The following DENND11 variants were observed in gnomAD, a reference collection of about 807,000 sequenced individuals.
The protein encoded by DENND11 is DENN domain containing 11.
Under a neutral mutation model 49.2 loss-of-function variants are expected in DENND11, and 34 were observed. The ratio of observed to expected loss-of-function variants is 0.69; its 90% CI spans 0.53 to 0.92. The LOEUF (loss-of-function observed/expected upper bound fraction) is 0.92. Ranked by LOEUF, DENND11 falls within the 40% of genes least tolerant of loss-of-function variation. The probability of loss-of-function intolerance (pLI) is 0.00; values close to 1 mark genes in which losing one functional copy is unlikely to be tolerated. For synonymous variants in DENND11, 238 were observed against 230.3 expected, an observed-to-expected ratio of 1.03 and a Z score of -0.30; for missense variants, 475 against 581.6, an observed-to-expected ratio of 0.82 and a Z score of 1.88.
intron 4 of DENND11, among the ~76,000 whole-genome samples, chr7:141,671,831 T>C (rs1797985520): frequency 6.6e-6 from 1 of 152,210 alleles, no homozygotes; most frequent in African/African-American, 2.4e-5. Flanking sequence ...GTACCTCTAA[T>C]GGCCCTCTAA....
chr7:141,684,130 T>C (rs1347938982), intron 3 of DENND11, among the ~76,000 whole-genome samples: 2 of 152,162 alleles, frequency 1.3e-5, no homozygotes, highest in Admixed American at 6.5e-5. Flanking sequence ...TCTTGCTTTG[T>C]TGCCCAGGCT....
chr7:141,671,576 C>T lies in DENND11; in HGVS notation c.681+2491G>A, dbSNP rs187474487. 1.7e-3 allele frequency among the ~76,000 whole-genome samples: 254 copies of T among 152,330 alleles called. 1 individual carries two copies. Among genetic ancestry groups the T allele is most frequent in the Non-Finnish European group, 1.6e-3 (112 of 68,028 alleles). On this transcript the variant is annotated intron_variant, in intron 4 of 8. Coordinates refer to ENST00000536163, the MANE Select transcript of DENND11 (RefSeq NM_001080392.2). ...TAACGGTACCCTCTTCCCTGCATCTCCTAGGGTCTAACAGTTATGTTAATG... is the reference window on the plus strand; with the variant it reads ...TAACGGTACCCTCTTCCCTGCATCTTCTAGGGTCTAACAGTTATGTTAATG...
intron 4 of DENND11, 137 bp from the exon 5 acceptor site, chr7:141,666,562 C>T (rs541612472): frequency 2.5e-5 from 21 of 827,558 alleles, no homozygotes; most frequent in Middle Eastern, 3.6e-4. Context: ...CTTATTTCCA[C>T]ACACAATGAT....
intron 1 of DENND11, among the ~76,000 whole-genome samples, chr7:141,694,784 A>G (rs1047523875): frequency 8.5e-5 from 13 of 152,194 alleles, no homozygotes; most frequent in Non-Finnish European, 1.8e-4. Flanking sequence ...GTGGAAAACT[A>G]CACCCAGCTG....
intron 1 of DENND11, among the ~76,000 whole-genome samples, chr7:141,689,457 G>A (rs1798292205): frequency 1.3e-5 from 2 of 152,208 alleles, no homozygotes; most frequent in Non-Finnish European, 2.9e-5. Flanking sequence ...TGTCAGCAGG[G>A]AAGGGGAAGA....
intron 4 of DENND11, among the ~76,000 whole-genome samples, chr7:141,672,135 A>C (rs1797992188): frequency 6.6e-6 from 1 of 152,184 alleles, no homozygotes; most frequent in African/African-American, 2.4e-5. Flanking sequence ...TCCCTCAGCG[A>C]TCTGAGCACT....
chr7:141,658,917 CTG>C lies in DENND11; in HGVS notation c.*3737_*3738del, dbSNP rs1467680320. ...TTGAAGGGCTTTCAGTGCATCAAGACTGAGAGCAAATTCATCCTCATAGCCAC... is the reference window on the plus strand; with the variant it reads ...TTGAAGGGCTTTCAGTGCATCAAGACAGAGCAAATTCATCCTCATAGCCAC... On this transcript the variant is annotated 3_prime_UTR_variant, in exon 9 of 9. Transcript: ENST00000536163. 6.6e-6 allele frequency: 1 copy of C among 152,584 alleles called. No homozygotes were observed. Among genetic ancestry groups the C allele is most frequent in the Non-Finnish European group, 1.5e-5 (1 of 68,032 alleles). The allele number at this position is 152,584 out of a possible 1,614,324, so 9.5% of individuals were successfully genotyped here. A position where few individuals can be genotyped will look rare whatever the true frequency, so the allele number is the denominator to read the frequency against.
chr7:141,696,187 C>A (rs79122526), intron 1 of DENND11, among the ~76,000 whole-genome samples: 1,820 of 152,270 alleles, frequency 0.012, 34 homozygotes, highest in African/African-American at 0.039. Flanking sequence ...ACCAGGGCCT[C>A]CCAGAGCTGG....
intron 1 of DENND11, chr7:141,701,663 G>T: frequency 3.6e-6 from 1 of 278,254 alleles, no homozygotes; most frequent in Non-Finnish European, 6.6e-6. Context: ...CCTCGGGGCC[G>T]CTCCGAGAGG....
At chr7:141,674,960 T>C (rs938651736) in intron 3 of DENND11, among the ~76,000 whole-genome samples, 12 of 152,110 alleles carry the variant, frequency 7.9e-5, no homozygotes, top group Non-Finnish European at 1.5e-4. Flanking sequence ...GAGGACTGTT[T>C]GTCACTATAT....
At chr7:141,700,960 C>T (rs1001845493) in intron 1 of DENND11, among the ~76,000 whole-genome samples, 3 of 152,114 alleles carry the variant, frequency 2.0e-5, no homozygotes, top group Non-Finnish European at 4.4e-5. Flanking sequence ...CCTGGGTTTC[C>T]TTAAGCCCTG....
At position 141,662,477 on chromosome 7, in the gene DENND11, C is replaced by T; in HGVS notation, c.*179G>A. ...TGGCAGGACACAAAACCAAGGTGATCTCACCTTATCTCTAGGGAAAAGGGC... is the reference window on the plus strand; with the variant it reads ...TGGCAGGACACAAAACCAAGGTGATTTCACCTTATCTCTAGGGAAAAGGGC... On this transcript the variant is annotated 3_prime_UTR_variant, in exon 9 of 9. Transcript: ENST00000536163. The T allele has an allele frequency of 2.2e-6, 1 of 460,966 alleles. No individual in the cohort carries two copies. Among genetic ancestry groups the T allele is most frequent in the Non-Finnish European group, 3.8e-6 (1 of 266,348 alleles). 28.6% of individuals were successfully genotyped at this position (460,966 alleles called of 1,614,324 possible). A position where few individuals can be genotyped will look rare whatever the true frequency, so the allele number is the denominator to read the frequency against.
intron 3 of DENND11, 71 bp from the exon 4 acceptor site, chr7:141,674,291 C>T: frequency 6.9e-7 from 1 of 1,449,316 alleles, no homozygotes; most frequent in South Asian, 1.4e-5. Context: ...GCTCTGCTAC[C>T]ACTCCTACCC....
At chr7:141,670,498 A>G (rs1474897262) in intron 4 of DENND11, among the ~76,000 whole-genome samples, 1 of 152,228 alleles carries the variant, frequency 6.6e-6, no homozygotes, top group East Asian at 1.9e-4. Flanking sequence ...TAGCATTTCC[A>G]TTGTATGAGG....
intron 1 of DENND11, among the ~76,000 whole-genome samples, chr7:141,701,131 C>G (rs933308974): frequency 1.3e-4 from 19 of 151,848 alleles, no homozygotes; most frequent in African/African-American, 4.6e-4. Flanking sequence ...AAAACGCACA[C>G]CCCCCTGCCG....
At chr7:141,697,452 T>C (rs1268765014) in intron 1 of DENND11, among the ~76,000 whole-genome samples, 2 of 152,134 alleles carry the variant, frequency 1.3e-5, no homozygotes, top group African/African-American at 4.8e-5. Context: ...TAGGTGGAAA[T>C]ACAGGGGAAG....
rs538766464 is a variant in DENND11, at chr7:141,687,877, G to A, written c.269-1219C>T. On this transcript the variant is annotated intron_variant, in intron 1 of 8. Transcript: ENST00000536163. ...TCTCAATCTCCTGACCTTGTGATCCGCCCACCTCAGCCTCCCAAAGTGCTG... is the reference window on the plus strand; with the variant it reads ...TCTCAATCTCCTGACCTTGTGATCCACCCACCTCAGCCTCCCAAAGTGCTG... Among the ~76,000 whole-genome samples, 20 of 151,532 alleles carry A rather than the reference G, an allele frequency of 1.3e-4. No individual in the cohort carries two copies. The East Asian group carries it at 3.1e-3, about 24-fold the overall frequency.
chr7:141,685,029 A>AAAAAATATATATATAT (rs1305276426), intron 3 of DENND11, among the ~76,000 whole-genome samples: 1 of 91,542 alleles, frequency 1.1e-5, no homozygotes, highest in Non-Finnish European at 2.0e-5. Context: ...AAAAAAAAAA[A>AAAAAATATATATATAT]ATATATATAT....
chr7:141,698,887 C>T (rs1798457705), intron 1 of DENND11, among the ~76,000 whole-genome samples: 1 of 151,136 alleles, frequency 6.6e-6, no homozygotes, highest in African/African-American at 2.4e-5. Context: ...CAGTTACCCA[C>T]ATTACATGGG....
Sources: allele counts gnomAD v4.1 joint callset (sites outside exome capture counted in the v4.1 genomes callset), GRCh38; gene constraint gnomAD v4.1.1; transcripts MANE v1.5; gene names NCBI Gene and HGNC (gene_info 2026-07-23, HGNC 2026-07-21).